KCTD16: variants seen among roughly 807,000 people sequenced by gnomAD.
The protein encoded by KCTD16 is potassium channel tetramerization domain containing 16.
In KCTD16, 13 loss-of-function variants were observed where a neutral mutation model predicts 33.2. That is an observed-to-expected ratio of 0.39 (90% CI 0.25 to 0.62). KCTD16 has a LOEUF of 0.62. KCTD16 is among the 20% of genes least tolerant of loss of function. The pLI is 0.50. For missense variants in KCTD16, 441 were observed against 525.1 expected (o/e 0.84, Z 1.57); for synonymous variants, 197 against 195.3 (o/e 1.01, Z -0.07).
intron 2 of KCTD16, among the ~76,000 whole-genome samples, chr5:144,201,809 A>G (rs1753049848): frequency 6.6e-6 from 1 of 152,206 alleles, no homozygotes; most frequent in Non-Finnish European, 1.5e-5. Flanking sequence ...GGGAGCACAT[A>G]ACACGATGAG....
At position 144,471,036 on chromosome 5, in the gene KCTD16, C is replaced by T. The variant is rs368595470; in HGVS notation, c.833-2624C>T. 9.9e-5 allele frequency among the ~76,000 whole-genome samples: 15 copies of T among 152,162 alleles called. No homozygotes were observed. In the East Asian group the frequency reaches 2.3e-3, roughly 24 times the overall value. ...CTACTGAACATACCAAAAAATTAGCCGGACGTGGTGGCAGGTATCTGTAGT... is the reference window on the plus strand; with the variant it reads ...CTACTGAACATACCAAAAAATTAGCTGGACGTGGTGGCAGGTATCTGTAGT... On this transcript the variant is annotated intron_variant, in intron 3 of 3. Coordinates refer to ENST00000512467, the MANE Select transcript of KCTD16 (RefSeq NM_020768.4).
intron 3 of KCTD16, among the ~76,000 whole-genome samples, chr5:144,384,633 C>T (rs896154834): frequency 6.6e-6 from 1 of 152,012 alleles, no homozygotes; most frequent in African/African-American, 2.4e-5. Flanking sequence ...ATAATTTAAC[C>T]TCTTTCTGAT....
chr5:144,457,280 C>T (rs1317027218), intron 3 of KCTD16, among the ~76,000 whole-genome samples: 1 of 152,216 alleles, frequency 6.6e-6, no homozygotes, highest in African/African-American at 2.4e-5. Flanking sequence ...CAGGAGCTCA[C>T]AGTCTAATGT....
At chr5:144,319,078 TAGTA>T (rs1298952770) in intron 3 of KCTD16, among the ~76,000 whole-genome samples, 3 of 152,022 alleles carry the variant, frequency 2.0e-5, no homozygotes, top group Non-Finnish European at 2.9e-5. Context: ...TCCTGATACA[TAGTA>T]AGTGCTTAAT....
At position 144,174,733 on chromosome 5, in the gene KCTD16, A is replaced by G. The variant is rs189385031; in HGVS notation, c.-327+261A>G. 5.9e-5 allele frequency among the ~76,000 whole-genome samples: 9 copies of G among 152,342 alleles called. No individual in the cohort carries two copies. In the South Asian group the frequency reaches 6.2e-4, roughly 11 times the overall value. On this transcript the variant is annotated intron_variant, in intron 2 of 3. Coordinates refer to ENST00000512467, the MANE Select transcript of KCTD16 (RefSeq NM_020768.4). ...GTACAGAACTGGTTTTTAAAAGGCA[A>G]AGAAATTTAACCCCAATTTTATAAC...
At chr5:144,269,123 C>T (rs1209088956) in intron 3 of KCTD16, among the ~76,000 whole-genome samples, 1 of 151,912 alleles carries the variant, frequency 6.6e-6, no homozygotes, top group Non-Finnish European at 1.5e-5. Flanking sequence ...GGCTGGTTTA[C>T]ACATTGTGGG....
chr5:144,435,035 A>T (rs772624735), intron 3 of KCTD16, among the ~76,000 whole-genome samples: 2 of 152,188 alleles, frequency 1.3e-5, no homozygotes, highest in Non-Finnish European at 2.9e-5. Flanking sequence ...AAGTGGCCAG[A>T]GGCAAATGTC....
At chr5:144,320,434 A>G (rs1752041384) in intron 3 of KCTD16, among the ~76,000 whole-genome samples, 1 of 152,172 alleles carries the variant, frequency 6.6e-6, no homozygotes, top group African/African-American at 2.4e-5. Flanking sequence ...TATATTCCTC[A>G]CTGGAATGTT....
intron 3 of KCTD16, among the ~76,000 whole-genome samples, chr5:144,336,122 G>T (rs1752485844): frequency 6.6e-6 from 1 of 152,194 alleles, no homozygotes. Flanking sequence ...CAGACAGGCT[G>T]TCTTGTGCAT....
chr5:144,407,867 C>T (rs1561596720), intron 3 of KCTD16, among the ~76,000 whole-genome samples: 2 of 152,204 alleles, frequency 1.3e-5, no homozygotes, highest in Non-Finnish European at 2.9e-5. Context: ...CTGCAAAGGA[C>T]ATGATCTCAT....
chr5:144,346,771 G>T (rs1203290029), intron 3 of KCTD16, among the ~76,000 whole-genome samples: 1 of 152,116 alleles, frequency 6.6e-6, no homozygotes, highest in Non-Finnish European at 1.5e-5. Flanking sequence ...TTGTCAGATA[G>T]GTAGTTTGCA....
intron 3 of KCTD16, among the ~76,000 whole-genome samples, chr5:144,361,349 CAG>C (rs1004742913): frequency 6.6e-6 from 1 of 152,052 alleles, no homozygotes; most frequent in African/African-American, 2.4e-5. Flanking sequence ...ATAAGATAGA[CAG>C]TGTTTTTGTG....
chr5:144,288,795 C>A (rs1003386277), intron 3 of KCTD16, among the ~76,000 whole-genome samples: 6 of 152,090 alleles, frequency 3.9e-5, no homozygotes, highest in Non-Finnish European at 8.8e-5. Context: ...GATGGTTAAA[C>A]CCCGTCTTTA....
At position 144,480,114 on chromosome 5, in the gene KCTD16, T is replaced by C. The variant is rs182873436; in HGVS notation, c.*6000T>C. The C allele has an allele frequency of 1.3e-5, 2 of 152,178 alleles. No homozygotes were observed. Among genetic ancestry groups the C allele is most frequent in the East Asian group, 3.9e-4 (2 of 5,168 alleles). The allele number at this position is 152,178 out of a possible 1,614,324, so 9.4% of individuals were successfully genotyped here. Reference sequence around the variant, plus strand: ...AAATGGAAGCAGAACTGATGCTTAGTAAAGTAATGAGAGTTGCTTTCAAAT... The same window carrying C: ...AAATGGAAGCAGAACTGATGCTTAGCAAAGTAATGAGAGTTGCTTTCAAAT... On this transcript the variant is annotated 3_prime_UTR_variant, in exon 4 of 4. Transcript: ENST00000512467.
At chr5:144,377,277 T>C (rs1259585520) in intron 3 of KCTD16, among the ~76,000 whole-genome samples, 1 of 152,128 alleles carries the variant, frequency 6.6e-6, no homozygotes, top group African/African-American at 2.4e-5. Context: ...GGATACAGCA[T>C]ACATGAGTCA....
chr5:144,233,241 T>C (rs1440483299), intron 3 of KCTD16, among the ~76,000 whole-genome samples: 1 of 152,174 alleles, frequency 6.6e-6, no homozygotes, highest in East Asian at 1.9e-4. Context: ...AGTTAACTTT[T>C]TCTGGTTGTT....
At chr5:144,232,618 G>A (rs1754137113) in intron 3 of KCTD16, among the ~76,000 whole-genome samples, 1 of 152,080 alleles carries the variant, frequency 6.6e-6, no homozygotes, top group Non-Finnish European at 1.5e-5. Flanking sequence ...CTGTGAAGTT[G>A]ATTACTTTCT....
chr5:144,294,943 A>G (rs1335501913), intron 3 of KCTD16, among the ~76,000 whole-genome samples: 1 of 152,190 alleles, frequency 6.6e-6, no homozygotes, highest in Non-Finnish European at 1.5e-5. Flanking sequence ...GCATCTGCCA[A>G]CTTAGCTTAT....
At chr5:144,455,605 T>C (rs1754044379) in intron 3 of KCTD16, among the ~76,000 whole-genome samples, 1 of 152,014 alleles carries the variant, frequency 6.6e-6, no homozygotes, top group South Asian at 2.1e-4. Flanking sequence ...AGTAGTGGGA[T>C]GGAGAGAGTT....
Sources: allele counts gnomAD v4.1 joint callset (sites outside exome capture counted in the v4.1 genomes callset), GRCh38; gene constraint gnomAD v4.1.1; transcripts MANE v1.5; gene names NCBI Gene and HGNC (gene_info 2026-07-23, HGNC 2026-07-21).